The following COL11A1 variants were observed in gnomAD, a reference collection of about 807,000 sequenced individuals.
COL11A1 encodes the protein collagen alpha-1(XI) chain.
In COL11A1, 74 loss-of-function variants were observed where a neutral mutation model predicts 265.2. That is an observed-to-expected ratio of 0.28 (90% CI 0.23 to 0.34). The LOEUF is 0.34. COL11A1 is among the 10% of genes least tolerant of loss of function. COL11A1 has a pLI of 1.00. For synonymous variants in COL11A1, 816 were observed against 727.6 expected, an observed-to-expected ratio of 1.12 and a Z score of -1.96; for missense variants, 2,165 against 2,263.6, an observed-to-expected ratio of 0.96 and a Z score of 0.88.
At chr1:103,019,608 T>C (rs1436887240) in intron 9 of COL11A1, among the ~76,000 whole-genome samples, 1 of 152,112 alleles carries the variant, frequency 6.6e-6, no homozygotes, top group East Asian at 1.9e-4. Context: ...ATTATTATAC[T>C]TTAAGTTTTA....
In COL11A1 at chr1:102,970,266, G is replaced by T; in HGVS notation, c.2815C>A (p.Pro939Thr). ...FPGPKGPPGP[P>T]GKDGLPGHPG... ...TGTCCTGGCAGCCCATCCTTCCCAG[G>T]TGGTCCCTGAAATTACAAATATTAA... Residue 939 changes from proline to threonine, a missense_variant, in exon 37 of 67, where the codon CCT (proline) becomes ACT (threonine). Physicochemically the swap from Pro to Thr is conservative, Grantham distance 38 (BLOSUM62 -1). Transcript: ENST00000370096. The T allele has an allele frequency of 6.2e-7, 1 of 1,611,008 alleles. No individual in the cohort carries two copies. Among genetic ancestry groups the T allele is most frequent in the Non-Finnish European group, 8.5e-7 (1 of 1,178,036 alleles).
At chr1:103,046,787 G>T (rs957706591) in intron 4 of COL11A1, among the ~76,000 whole-genome samples, 2 of 150,998 alleles carry the variant, frequency 1.3e-5, no homozygotes, top group African/African-American at 2.4e-5. Flanking sequence ...TTTGTATAAG[G>T]TGTAAGGAAG....
rs148517780 is a variant in COL11A1, at chr1:102,915,672, C to G, written c.3775G>C (p.Glu1259Gln). 5 of 1,612,422 alleles carry G rather than the reference C, an allele frequency of 3.1e-6. No individual in the cohort carries two copies. In the African/African-American group the frequency reaches 6.7e-5, roughly 22 times the overall value. Residue 1259 changes from glutamate to glutamine, a missense_variant, in exon 50 of 67, where the codon GAA becomes CAA. By Grantham distance (29) the Glu-to-Gln change is conservative (BLOSUM62 2). Transcript: ENST00000370096. ...GGVGEKGEPG[E>Q]AGNPGPPGEA... Reference sequence around the variant, plus strand: ...CCAGGAGGCCCTGGGTTCCCTGCTTCTCCAGGTTCACCCTATATAGAGAAG... The same window carrying G: ...CCAGGAGGCCCTGGGTTCCCTGCTTGTCCAGGTTCACCCTATATAGAGAAG...
intron 1 of COL11A1, among the ~76,000 whole-genome samples, chr1:103,090,173 A>T (rs892744579): frequency 6.6e-6 from 1 of 151,874 alleles, no homozygotes; most frequent in South Asian, 2.1e-4. Context: ...ATAAGTAACA[A>T]TAATAAAGTA....
intron 14 of COL11A1, among the ~76,000 whole-genome samples, chr1:103,012,019 A>G (rs1380230316): frequency 6.6e-6 from 1 of 152,186 alleles, no homozygotes; most frequent in East Asian, 1.9e-4. Flanking sequence ...AGATTGTGTC[A>G]TAATTTTCAT....
intron 35 of COL11A1, among the ~76,000 whole-genome samples, chr1:102,977,742 G>T (rs1258840221): frequency 1.3e-5 from 2 of 152,006 alleles, no homozygotes; most frequent in African/African-American, 4.8e-5. Flanking sequence ...TTACAGGATA[G>T]ACTTAATTTG....
chr1:103,072,805 A>G (rs1671690812), intron 4 of COL11A1, among the ~76,000 whole-genome samples: 4 of 151,738 alleles, frequency 2.6e-5, no homozygotes, highest in South Asian at 2.1e-4. Context: ...CCTGAATCTT[A>G]TATCTGATGG....
chr1:103,107,326 T>G (rs902106425), intron 1 of COL11A1, among the ~76,000 whole-genome samples: 3 of 150,464 alleles, frequency 2.0e-5, no homozygotes, highest in African/African-American at 7.3e-5. Flanking sequence ...CCCATTTGCT[T>G]GGCGACTTTC....
At chr1:102,902,356 C>G (rs1284042291) in intron 54 of COL11A1, among the ~76,000 whole-genome samples, 1 of 151,912 alleles carries the variant, frequency 6.6e-6, no homozygotes, top group Non-Finnish European at 1.5e-5. Flanking sequence ...TTAATATTAG[C>G]AAAATAAACT....
rs924990431 is a variant in COL11A1 at position 102,915,267 on chromosome 1, G to A, written c.3816+364C>T. Reference sequence around the variant, plus strand: ...TATTTCCTGGTGGGCAAATTTAATCGCGTTTTAAACTAATTAGAATAATAT... The same window carrying A: ...TATTTCCTGGTGGGCAAATTTAATCACGTTTTAAACTAATTAGAATAATAT... On this transcript the variant is annotated intron_variant, in intron 50 of 66. Transcript: ENST00000370096. Among the ~76,000 whole-genome samples, 22 of 151,982 alleles carry A rather than the reference G, an allele frequency of 1.4e-4. No homozygotes were observed. In the East Asian group the frequency reaches 3.5e-3, roughly 24 times the overall value.
At position 102,940,207 on chromosome 1, in the gene COL11A1, A is replaced by G. The variant is rs940814139; in HGVS notation, c.3384+120T>C. On this transcript the variant is annotated intron_variant, in intron 43 of 66. Transcript: ENST00000370096. ...TTTGAGCATATGAAAATGTGTGTGA[A>G]ACTTTGAAAAAGGTAACCTTTCACC... The G allele has an allele frequency of 3.8e-6, 3 of 793,158 alleles. No individual in the cohort carries two copies. In the South Asian group the frequency reaches 4.4e-5, roughly 12 times the overall value. 49.1% of individuals were successfully genotyped at this position (793,158 alleles called of 1,614,324 possible). A position where few individuals can be genotyped will look rare whatever the true frequency, so the allele number is the denominator to read the frequency against.
At chr1:103,068,797 T>A (rs1671348172) in intron 4 of COL11A1, among the ~76,000 whole-genome samples, 1 of 150,962 alleles carries the variant, frequency 6.6e-6, no homozygotes, top group Admixed American at 6.6e-5. Context: ...AATATTCAAA[T>A]ATGACATTAG....
At chr1:102,890,914 G>C (rs186712344) in intron 57 of COL11A1, among the ~76,000 whole-genome samples, 2 of 151,810 alleles carry the variant, frequency 1.3e-5, no homozygotes, top group East Asian at 3.9e-4. Context: ...ATAAACTTTT[G>C]AACAGTCAAT....
At chr1:103,049,385 G>C (rs1400346888) in intron 4 of COL11A1, among the ~76,000 whole-genome samples, 2 of 152,032 alleles carry the variant, frequency 1.3e-5, no homozygotes, top group East Asian at 3.9e-4. Flanking sequence ...ATCTTTGTTG[G>C]TTTAAAGTCT....
At chr1:103,073,671 A>C (rs1334145041) in intron 4 of COL11A1, among the ~76,000 whole-genome samples, 1 of 151,924 alleles carries the variant, frequency 6.6e-6, no homozygotes, top group African/African-American at 2.4e-5. Flanking sequence ...TATTATAATA[A>C]TAATTTTAAA....
At chr1:102,925,110 T>C (rs953547744) in intron 46 of COL11A1, among the ~76,000 whole-genome samples, 9 of 152,110 alleles carry the variant, frequency 5.9e-5, no homozygotes, top group African/African-American at 2.2e-4. Flanking sequence ...TGCTAGTACT[T>C]TCGTGACATT....
intron 4 of COL11A1, among the ~76,000 whole-genome samples, chr1:103,032,320 C>T (rs1005263668): frequency 6.6e-6 from 1 of 152,034 alleles, no homozygotes; most frequent in Non-Finnish European, 1.5e-5. Flanking sequence ...TTACAAAAAT[C>T]TTTAAAAATT....
intron 4 of COL11A1, among the ~76,000 whole-genome samples, chr1:103,031,719 C>A (rs114349640): frequency 0.046 from 7,025 of 151,632 alleles, 210 homozygotes; most frequent in Non-Finnish European, 0.071. Context: ...ATATATAGAT[C>A]CAACTATTAT....
At chr1:102,898,099 T>C in intron 57 of COL11A1, 26 bp downstream of exon 57, 1 of 1,513,338 alleles carries the variant, frequency 6.6e-7, no homozygotes, top group African/African-American at 1.4e-5. Flanking sequence ...TCTCACTTTT[T>C]AAATGACTGA....
Sources: allele counts gnomAD v4.1 joint callset (sites outside exome capture counted in the v4.1 genomes callset), GRCh38; gene constraint gnomAD v4.1.1; transcripts MANE v1.5; gene names NCBI Gene and HGNC (gene_info 2026-07-23, HGNC 2026-07-21).